The following F13A1 variants were observed in gnomAD, a reference collection of about 807,000 sequenced individuals.
The protein encoded by F13A1 is coagulation factor XIII A chain.
A neutral mutation model predicts 80.1 loss-of-function variants in F13A1; 47 were observed. The ratio of observed to expected loss-of-function variants is 0.59; its 90% CI spans 0.46 to 0.75. F13A1 has a LOEUF of 0.75. Among genes scored for constraint, F13A1 ranks in the 30% least tolerant of loss-of-function variants. The pLI is 0.00. For missense variants in F13A1, 817 were observed against 930.4 expected (o/e 0.88, Z 1.59); for synonymous variants, 349 against 344.9 (o/e 1.01, Z -0.13).
chr6:6,224,334 A>G (rs771503442), intron 7 of F13A1, among the ~76,000 whole-genome samples: 19 of 152,176 alleles, frequency 1.2e-4, no homozygotes, highest in Non-Finnish European at 2.8e-4. Context: ...TTTGTTATTT[A>G]TTATTTTAGT....
At chr6:6,167,362 T>TCACA (rs1192090732) in intron 13 of F13A1, 96 bp downstream of exon 13, 14 of 1,114,354 alleles carry the variant, frequency 1.3e-5, no homozygotes, top group East Asian at 2.7e-5. Flanking sequence ...GGACATTCAT[T>TCACA]CACACACACA....
At chr6:6,178,041 G>GA (rs1760912940) in intron 11 of F13A1, among the ~76,000 whole-genome samples, 1 of 32,972 alleles carries the variant, frequency 3.0e-5, no homozygotes, top group African/African-American at 1.0e-4. Context: ...AGGCCACAGG[G>GA]AGAGGGGGGG....
At chr6:6,223,694 T>TA (rs1561660233) in intron 7 of F13A1, among the ~76,000 whole-genome samples, 1 of 152,040 alleles carries the variant, frequency 6.6e-6, no homozygotes, top group African/African-American at 2.4e-5. Flanking sequence ...TTTTTTTTTT[T>TA]AAATTTAGAT....
At chr6:6,189,591 C>T (rs1454444568) in intron 10 of F13A1, among the ~76,000 whole-genome samples, 1 of 143,684 alleles carries the variant, frequency 7.0e-6, no homozygotes, top group Non-Finnish European at 1.5e-5. Flanking sequence ...GCCGAGAGAT[C>T]CGCTGTTAGT....
At chr6:6,275,079 G>A (rs537715679) in intron 3 of F13A1, among the ~76,000 whole-genome samples, 23 of 152,274 alleles carry the variant, frequency 1.5e-4, no homozygotes, top group African/African-American at 5.1e-4. Context: ...ATTTTAGAAA[G>A]ATCAGTCTGT....
chr6:6,171,598 G>A (rs767196886), intron 12 of F13A1, among the ~76,000 whole-genome samples: 6 of 152,062 alleles, frequency 3.9e-5, no homozygotes, highest in Non-Finnish European at 5.9e-5. Flanking sequence ...CTAACCTTCC[G>A]CCCTACTTCC....
At chr6:6,290,756 T>C (rs1272391602) in intron 3 of F13A1, among the ~76,000 whole-genome samples, 1 of 152,172 alleles carries the variant, frequency 6.6e-6, no homozygotes, top group East Asian at 1.9e-4. Context: ...ACGTTGATCA[T>C]CAATGCAGAA....
chr6:6,288,496 A>T (rs1758168777), intron 3 of F13A1, among the ~76,000 whole-genome samples: 1 of 152,170 alleles, frequency 6.6e-6, no homozygotes, highest in African/African-American at 2.4e-5. Context: ...AGAATGGCAG[A>T]ATTTTCCTTC....
At chr6:6,172,451 G>GT (rs60664705) in intron 12 of F13A1, among the ~76,000 whole-genome samples, 6,807 of 147,950 alleles carry the variant, frequency 0.046, 216 homozygotes, top group Non-Finnish European at 0.06. Flanking sequence ...ACACTATAGT[G>GT]TTTTTTTTTT....
At position 6,243,686 on chromosome 6, in the gene F13A1, CTT is replaced by C. The variant is rs1453368518; in HGVS notation, c.798+4624_798+4625del. ...GCTCAGCCACTTATTTGCTGTGTGA[CTT>C]TGAGTGAGGGACACCACTTCCAAGG... On this transcript the variant is annotated intron_variant, in intron 6 of 14. Transcript: ENST00000264870. This position sits in a 1 kb window ranked among gnomAD's most constrained non-coding sequence, Gnocchi z 4.2. 6.6e-6 allele frequency among the ~76,000 whole-genome samples: 1 copy of C among 152,128 alleles called. No homozygotes were observed. Among genetic ancestry groups the C allele is most frequent in the Admixed American group, 6.5e-5 (1 of 15,274 alleles).
chr6:6,145,750 C>T lies in F13A1; in HGVS notation c.2068G>A (p.Val690Met), dbSNP rs762504395. Residue 690 changes from valine (V) to methionine (M), a missense_variant, in exon 15 of 15, where the codon GTG becomes ATG. Physicochemically the swap from Val to Met is conservative, Grantham distance 21 (BLOSUM62 1). Coordinates refer to ENST00000264870, the MANE Select transcript of F13A1 (RefSeq NM_000129.4). The stretch of plus-strand genomic sequence containing the variant: ...GGCCGGCACACTTCTTCCCACTGCA[C>T]GGTGGAGTTGGGCCGGATTTCACTG... ...MFREIRPNSTVQWEEVCRPWV... is the reference protein window; with the variant it reads ...MFREIRPNSTMQWEEVCRPWV... 37 of 1,613,900 alleles carry T rather than the reference C, an allele frequency of 2.3e-5. No individual in the cohort carries two copies. Among genetic ancestry groups the T allele is most frequent in the African/African-American group, 1.2e-4 (9 of 74,896 alleles).
chr6:6,229,847 G>C (rs1347889589), intron 6 of F13A1, among the ~76,000 whole-genome samples: 1 of 152,242 alleles, frequency 6.6e-6, no homozygotes, highest in Admixed American at 6.5e-5. Context: ...CTGAAGGTCT[G>C]TTTGTGGGAG....
At chr6:6,165,350 TAACA>T (rs141138212) in intron 13 of F13A1, among the ~76,000 whole-genome samples, 25 of 152,320 alleles carry the variant, frequency 1.6e-4, no homozygotes, top group Non-Finnish European at 3.5e-4. Flanking sequence ...AGAAGATAAC[TAACA>T]AATAATCCTG....
intron 2 of F13A1, among the ~76,000 whole-genome samples, chr6:6,311,171 T>C (rs546917262): frequency 6.6e-6 from 1 of 152,330 alleles, no homozygotes; most frequent in South Asian, 2.1e-4. Flanking sequence ...CCTGGGGCAG[T>C]GTGCAGAAAT....
intron 1 of F13A1, 67 bp from the exon 2 acceptor site, chr6:6,318,749 G>A: frequency 6.5e-7 from 1 of 1,532,148 alleles, no homozygotes; most frequent in Non-Finnish European, 8.9e-7. Flanking sequence ...TTGAGACAAG[G>A]ATTCCAAAAT....
At chr6:6,240,510 A>AT (rs2113087163) in intron 6 of F13A1, among the ~76,000 whole-genome samples, 1 of 152,268 alleles carries the variant, frequency 6.6e-6, no homozygotes, top group Admixed American at 6.5e-5. Context: ...TTGTGTGTGA[A>AT]TTAGTGGGGC....
In F13A1 at chr6:6,266,816, G is replaced by A. The variant is rs1288209366; in HGVS notation, c.320-7C>T. 6.2e-7 allele frequency: 1 copy of A among 1,613,992 alleles called. No individual in the cohort carries two copies. The highest frequency in any genetic ancestry group is 2.2e-5 in the East Asian group (1 of 44,890). On this transcript the variant is annotated splice_region_variant and splice_polypyrimidine_tract_variant and intron_variant, in intron 3 of 14. Coordinates refer to ENST00000264870, the MANE Select transcript of F13A1 (RefSeq NM_000129.4). ...TTCTCCTGTGGGTAGCGACCTATGA[G>A]AAGAGAGAAGAAATACTCTGTTAGG...
At chr6:6,205,227 G>A (rs949736946) in intron 8 of F13A1, among the ~76,000 whole-genome samples, 2 of 152,262 alleles carry the variant, frequency 1.3e-5, no homozygotes, top group African/African-American at 2.4e-5. Context: ...TATAGCACAA[G>A]AGACCTCAAT....
intron 8 of F13A1, among the ~76,000 whole-genome samples, chr6:6,203,733 T>A (rs752286315): frequency 5.3e-5 from 8 of 152,194 alleles, no homozygotes; most frequent in Non-Finnish European, 8.8e-5. Flanking sequence ...TTGTGTTTTT[T>A]TAAGCTGTTA....
Sources: allele counts gnomAD v4.1 joint callset (sites outside exome capture counted in the v4.1 genomes callset), GRCh38; gene constraint gnomAD v4.1.1; non-coding constraint Gnocchi (gnomAD v3.1); transcripts MANE v1.5; gene names NCBI Gene and HGNC (gene_info 2026-07-23, HGNC 2026-07-21).